Variants in CIMIP7 observed in about 807,000 individuals in gnomAD.
CIMIP7 encodes ciliary microtubule inner protein 7.
At chr3:49,186,763 C>G in the CIMIP7 span, among the ~76,000 whole-genome samples, 1 of 152,028 alleles carries the variant, frequency 6.6e-6, no homozygotes, top group Non-Finnish European at 1.5e-5. Flanking sequence ...CGCACGCACG[C>G]AGAAGTAAAA....
the CIMIP7 span, chr3:49,189,974 G>C: frequency 3.0e-6 from 4 of 1,353,120 alleles, no homozygotes; most frequent in East Asian, 6.9e-5. Context: ...GGTTCTGGGA[G>C]AGGCAAGAAC....
the CIMIP7 span, chr3:49,178,100 C>A: frequency 6.7e-7 from 1 of 1,493,894 alleles, no homozygotes. Context: ...CACCAAGCAC[C>A]TTCTTGGGCC....
At chr3:49,178,492 G>A in the CIMIP7 span, 3 of 1,613,628 alleles carry the variant, frequency 1.9e-6, no homozygotes, top group Admixed American at 5.0e-5. Flanking sequence ...TTTGTCAAAG[G>A]AAGTACGGTT....
chr3:49,179,413 G>A, the CIMIP7 span, among the ~76,000 whole-genome samples: 149 of 152,272 alleles, frequency 9.8e-4, 1 homozygote, highest in African/African-American at 3.5e-3. Flanking sequence ...CATCTCATTT[G>A]CTGAAAATCC....
chr3:49,183,408 C>T, the CIMIP7 span, among the ~76,000 whole-genome samples: 2 of 152,176 alleles, frequency 1.3e-5, no homozygotes, highest in African/African-American at 2.4e-5. Context: ...TGCAGCCGGG[C>T]GCGGTGGCTC....
chr3:49,181,414 G>A, the CIMIP7 span, among the ~76,000 whole-genome samples: 2 of 151,716 alleles, frequency 1.3e-5, no homozygotes, highest in African/African-American at 4.8e-5. Context: ...ACTTTGAGAG[G>A]CCAAGGAGGA....
At chr3:49,189,832 G>T in the CIMIP7 span, 1 of 734,616 alleles carries the variant, frequency 1.4e-6, no homozygotes, top group East Asian at 2.7e-5. Flanking sequence ...TGAGCAATAT[G>T]GTTCAGTTTG....
At chr3:49,190,859 G>A in the CIMIP7 span, among the ~76,000 whole-genome samples, 1 of 151,834 alleles carries the variant, frequency 6.6e-6, no homozygotes, top group Non-Finnish European at 1.5e-5. Flanking sequence ...AGTAGAAACA[G>A]GGTTTCACCA....
At chr3:49,178,463 TC>T in the CIMIP7 span, 3 of 1,612,214 alleles carry the variant, frequency 1.9e-6, no homozygotes, top group East Asian at 2.2e-5. Flanking sequence ...CTGCCATTCT[TC>T]CTGTCTTCGG....
At chr3:49,191,384 A>G in the CIMIP7 span, among the ~76,000 whole-genome samples, 2 of 152,182 alleles carry the variant, frequency 1.3e-5, no homozygotes, top group African/African-American at 4.8e-5. Flanking sequence ...TGAGCATGGG[A>G]AATACAGATG....
chr3:49,177,870 G>A, the CIMIP7 span: 3 of 1,613,800 alleles, frequency 1.9e-6, no homozygotes, highest in African/African-American at 2.7e-5. Flanking sequence ...CAAAGTGGAT[G>A]AGGTGCTGGG....
chr3:49,191,110 C>T, the CIMIP7 span, among the ~76,000 whole-genome samples: 2 of 152,210 alleles, frequency 1.3e-5, no homozygotes, highest in Non-Finnish European at 2.9e-5. Flanking sequence ...GGCCCAACCT[C>T]TTTGTCCTGA....
chr3:49,185,551 A>G, the CIMIP7 span, among the ~76,000 whole-genome samples: 2 of 152,214 alleles, frequency 1.3e-5, no homozygotes, highest in African/African-American at 4.8e-5. Context: ...GGGCAACAAG[A>G]GCGGAACTCC....
the CIMIP7 span, among the ~76,000 whole-genome samples, chr3:49,185,603 C>G: frequency 6.6e-6 from 1 of 151,894 alleles, no homozygotes; most frequent in Non-Finnish European, 1.5e-5. Flanking sequence ...AGAGCAGCAC[C>G]AGGGATCCCT....
the CIMIP7 span, among the ~76,000 whole-genome samples, chr3:49,191,287 A>C: frequency 1.5e-4 from 23 of 152,204 alleles, no homozygotes; most frequent in Non-Finnish European, 1.9e-4. Context: ...TTGTCTGTCT[A>C]TCCTTCTCTG....
chr3:49,181,510 T>C, the CIMIP7 span, among the ~76,000 whole-genome samples: 1 of 151,866 alleles, frequency 6.6e-6, no homozygotes, highest in Non-Finnish European at 1.5e-5. Flanking sequence ...AATAACAAAT[T>C]AGCCAGGCGT....
the CIMIP7 span, among the ~76,000 whole-genome samples, chr3:49,180,499 A>C: frequency 6.6e-6 from 1 of 152,208 alleles, no homozygotes; most frequent in Non-Finnish European, 1.5e-5. Flanking sequence ...TGAAGTGGCC[A>C]GATCTGGTGA....
At chr3:49,190,916 C>G in the CIMIP7 span, among the ~76,000 whole-genome samples, 1 of 152,106 alleles carries the variant, frequency 6.6e-6, no homozygotes, top group Admixed American at 6.6e-5. Flanking sequence ...ATCTGCCCAC[C>G]TTGGCCTCCC....
the CIMIP7 span, chr3:49,178,413 A>G: frequency 6.9e-7 from 1 of 1,439,250 alleles, no homozygotes; most frequent in Non-Finnish European, 9.7e-7. Context: ...CCACCCTACC[A>G]TCTGCTCTGT....
Sources: allele counts gnomAD v4.1 joint callset (sites outside exome capture counted in the v4.1 genomes callset), GRCh38; gene constraint gnomAD v4.1.1; transcripts MANE v1.5; gene names NCBI Gene and HGNC (gene_info 2026-07-23, HGNC 2026-07-21).